ADAM22: variants seen among roughly 807,000 people sequenced by gnomAD.
ADAM22 encodes ADAM metallopeptidase domain 22, also known as disintegrin and metalloproteinase domain-containing protein 22.
ADAM22 carries 65 observed loss-of-function variants against 144.6 expected under a neutral mutation model. The ratio of observed to expected loss-of-function variants is 0.45; its 90% CI spans 0.37 to 0.55. The LOEUF (loss-of-function observed/expected upper bound fraction) is 0.55, where lower values mean the gene tolerates loss of function less well. Among genes scored for constraint, ADAM22 ranks in the 20% least tolerant of loss-of-function variants. The probability of loss-of-function intolerance (pLI) is 0.00; values close to 1 mark genes in which losing one functional copy is unlikely to be tolerated. For missense variants in ADAM22, 974 were observed against 1,184.9 expected (o/e 0.82, Z 2.61); for synonymous variants, 391 against 412.6 (o/e 0.95, Z 0.63).
intron 5 of ADAM22, among the ~76,000 whole-genome samples, chr7:88,110,106 C>T (rs1168364394): frequency 6.6e-6 from 1 of 151,070 alleles, no homozygotes; most frequent in Non-Finnish European, 1.5e-5. Flanking sequence ...TAAAGGTGTA[C>T]ATTTATTTAC....
At chr7:87,979,163 A>G (rs916455028) in intron 3 of ADAM22, among the ~76,000 whole-genome samples, 3 of 152,284 alleles carry the variant, frequency 2.0e-5, no homozygotes, top group Non-Finnish European at 4.4e-5. Flanking sequence ...GCATTTCTAC[A>G]ACAGGAAGAA....
chr7:87,982,108 C>T (rs1482128730), intron 3 of ADAM22, among the ~76,000 whole-genome samples: 3 of 125,140 alleles, frequency 2.4e-5, no homozygotes, highest in Non-Finnish European at 4.7e-5. Context: ...CACACACACA[C>T]ATGCATACAC....
At chr7:88,066,518 A>C (rs907431615) in intron 3 of ADAM22, among the ~76,000 whole-genome samples, 4 of 152,150 alleles carry the variant, frequency 2.6e-5, no homozygotes, top group Non-Finnish European at 5.9e-5. Flanking sequence ...TTGAGTATAT[A>C]GTTGGATATA....
chr7:88,135,135 G>T (rs112120994), intron 13 of ADAM22, among the ~76,000 whole-genome samples: 3 of 151,710 alleles, frequency 2.0e-5, no homozygotes, highest in African/African-American at 7.3e-5. Context: ...AAAATTAGCC[G>T]GGTGTGGTGG....
intron 3 of ADAM22, among the ~76,000 whole-genome samples, chr7:88,053,484 T>A (rs1268831479): frequency 6.9e-6 from 1 of 145,848 alleles, no homozygotes; most frequent in Admixed American, 6.9e-5. Context: ...ATAATAATAA[T>A]AAAAAGACTT....
intron 2 of ADAM22, among the ~76,000 whole-genome samples, chr7:87,966,058 T>C (rs1394096196): frequency 6.6e-6 from 1 of 152,226 alleles, no homozygotes; most frequent in Non-Finnish European, 1.5e-5. Context: ...CATTCTGTAA[T>C]TGTGACTATT....
At chr7:87,987,562 G>T (rs1190173696) in intron 3 of ADAM22, among the ~76,000 whole-genome samples, 1 of 152,204 alleles carries the variant, frequency 6.6e-6, no homozygotes, top group East Asian at 1.9e-4. Context: ...TGCCAGGTTT[G>T]ACACATTGGG....
At chr7:88,113,687 T>TATAA (rs1219225144) in intron 5 of ADAM22, among the ~76,000 whole-genome samples, 2,046 of 68,808 alleles carry the variant, frequency 0.03, 204 homozygotes, top group African/African-American at 0.085. Flanking sequence ...ATATATATAT[T>TATAA]ATAAATAAAT....
intron 31 of ADAM22, among the ~76,000 whole-genome samples, chr7:88,196,019 C>T (rs1354828142): frequency 6.6e-6 from 1 of 152,048 alleles, no homozygotes; most frequent in Non-Finnish European, 1.5e-5. Flanking sequence ...TTTAGTTGGT[C>T]TGGTGTGGTG....
intron 2 of ADAM22, among the ~76,000 whole-genome samples, chr7:87,936,871 T>TATAG (rs1554335150): frequency 2.9e-4 from 43 of 149,920 alleles, no homozygotes; most frequent in East Asian, 7.8e-4. Context: ...TATATATATA[T>TATAG]AGAGAGAGAG....
At chr7:87,962,435 G>A (rs1471955767) in intron 2 of ADAM22, among the ~76,000 whole-genome samples, 1 of 152,188 alleles carries the variant, frequency 6.6e-6, no homozygotes, top group Admixed American at 6.5e-5. Context: ...AGATGGTATA[G>A]CTATAAGCCA....
chr7:88,045,127 C>T (rs1462698473), intron 3 of ADAM22, among the ~76,000 whole-genome samples: 1 of 151,572 alleles, frequency 6.6e-6, no homozygotes, highest in African/African-American at 2.4e-5. Context: ...AGGCGACTCT[C>T]CTGCCTCAGC....
At chr7:87,977,032 T>C (rs1032892994) in intron 2 of ADAM22, among the ~76,000 whole-genome samples, 2 of 151,952 alleles carry the variant, frequency 1.3e-5, no homozygotes, top group African/African-American at 4.8e-5. Context: ...ACAGATTTAG[T>C]TGGGGCTGGG....
chr7:88,149,969 C>T (rs1017391336), intron 18 of ADAM22, among the ~76,000 whole-genome samples: 8 of 152,164 alleles, frequency 5.3e-5, no homozygotes, highest in African/African-American at 1.7e-4. Context: ...CAGCTTTCAA[C>T]ATTTTACAAC....
intron 4 of ADAM22, among the ~76,000 whole-genome samples, chr7:88,081,501 CAGG>C (rs1816628049): frequency 6.6e-6 from 1 of 152,020 alleles, no homozygotes; most frequent in Admixed American, 6.6e-5. Flanking sequence ...GGCAGTCAGG[CAGG>C]AGAAGGAAAT....
intron 4 of ADAM22, among the ~76,000 whole-genome samples, chr7:88,105,318 T>C (rs1824068399): frequency 6.6e-6 from 1 of 152,206 alleles, no homozygotes; most frequent in South Asian, 2.1e-4. Context: ...ATTCGGTTAG[T>C]CACTGTCCAA....
intron 3 of ADAM22, among the ~76,000 whole-genome samples, chr7:88,008,189 A>T (rs1180264883): frequency 6.6e-6 from 1 of 150,992 alleles, no homozygotes; most frequent in East Asian, 1.9e-4. Context: ...GCAAATCAAA[A>T]CCACAATGAG....
Position 88,193,517 on chromosome 7 carries a change from G to A in ADAM22, c.2874+278G>A, listed in dbSNP as rs368676474. Among the ~76,000 whole-genome samples, 14 of 152,274 alleles carry A rather than the reference G, an allele frequency of 9.2e-5. No homozygotes were observed. In the East Asian group the frequency reaches 2.1e-3, roughly 23 times the overall value. ...ATTAAAACCTACAGTAAACAAAACA[G>A]TGTATTTTGCTATATCACCTTTTAC... is the stretch of plus-strand genomic sequence containing the variant. On this transcript the variant is annotated intron_variant, in intron 31 of 31. Transcript: ENST00000413139.
chr7:88,023,016 C>A (rs1483898827), intron 3 of ADAM22, among the ~76,000 whole-genome samples: 1 of 152,168 alleles, frequency 6.6e-6, no homozygotes, highest in African/African-American at 2.4e-5. Flanking sequence ...ACTTATTTCA[C>A]TTTTCTTTTG....
Sources: gnomAD v4.1 joint callset for allele counts (sites outside exome capture counted in the v4.1 genomes callset) on GRCh38, gnomAD v4.1.1 for gene constraint, MANE v1.5 for transcripts, NCBI Gene and HGNC (gene_info 2026-07-23, HGNC 2026-07-21) for gene names.